The following DPP10 variants were observed in gnomAD, a reference collection of about 807,000 sequenced individuals.
DPP10 encodes the protein dipeptidyl peptidase like 10.
Under a neutral mutation model 120.9 loss-of-function variants are expected in DPP10, and 33 were observed. That is an observed-to-expected ratio of 0.27 (90% CI 0.21 to 0.37). The LOEUF is 0.37. DPP10 is among the 10% of genes least tolerant of loss of function. The pLI is 1.00. For missense variants in DPP10, 816 were observed against 942.8 expected, an observed-to-expected ratio of 0.87 and a Z score of 1.76; for synonymous variants, 337 against 326.1, an observed-to-expected ratio of 1.03 and a Z score of -0.36.
At chr2:114,775,087 G>C (rs1681605711) in intron 1 of DPP10, among the ~76,000 whole-genome samples, 1 of 152,062 alleles carries the variant, frequency 6.6e-6, no homozygotes, top group South Asian at 2.1e-4. Flanking sequence ...CCCCACCCTT[G>C]ACTCTGTATG....
intron 5 of DPP10, among the ~76,000 whole-genome samples, chr2:115,559,515 A>G (rs549827803): frequency 6.6e-6 from 1 of 152,248 alleles, no homozygotes; most frequent in Non-Finnish European, 1.5e-5. Flanking sequence ...TATGTTACAA[A>G]CTTGAATGAG....
At chr2:114,572,837 A>G (rs1689760092) in intron 1 of DPP10, among the ~76,000 whole-genome samples, 1 of 152,224 alleles carries the variant, frequency 6.6e-6, no homozygotes, top group Non-Finnish European at 1.5e-5. Flanking sequence ...TCATGCTGAG[A>G]TTCATATCAC....
chr2:114,445,875 G>A (rs1479228207), intron 1 of DPP10, among the ~76,000 whole-genome samples: 1 of 152,028 alleles, frequency 6.6e-6, no homozygotes, highest in Non-Finnish European at 1.5e-5. Flanking sequence ...GTCAAATAGG[G>A]GTGCCAAGTG....
chr2:115,657,974 G>A (rs2088547859), intron 5 of DPP10, among the ~76,000 whole-genome samples: 1 of 151,800 alleles, frequency 6.6e-6, no homozygotes, highest in Admixed American at 6.6e-5. Flanking sequence ...TATTTAAGAT[G>A]TTATATGTCA....
intron 1 of DPP10, among the ~76,000 whole-genome samples, chr2:114,609,980 C>A (rs1693149201): frequency 1.3e-5 from 2 of 152,106 alleles, no homozygotes; most frequent in African/African-American, 4.8e-5. Flanking sequence ...AATTTGGCAC[C>A]CTTAAATGTA....
chr2:115,476,359 A>T (rs911521417), intron 3 of DPP10, among the ~76,000 whole-genome samples: 1 of 152,080 alleles, frequency 6.6e-6, no homozygotes, highest in Non-Finnish European at 1.5e-5. Flanking sequence ...CCATAATTGT[A>T]AGCTTCCTGA....
intron 1 of DPP10, among the ~76,000 whole-genome samples, chr2:115,206,376 A>T (rs185952757): frequency 6.6e-6 from 1 of 152,290 alleles, no homozygotes; most frequent in East Asian, 1.9e-4. Flanking sequence ...TCTGAAAAAA[A>T]GTTTCATGAA....
At chr2:114,903,413 G>T (rs1444435293) in intron 1 of DPP10, among the ~76,000 whole-genome samples, 1 of 152,162 alleles carries the variant, frequency 6.6e-6, no homozygotes, top group Non-Finnish European at 1.5e-5. Context: ...ATGAATAAGA[G>T]AGCTCGTGTT....
chr2:114,722,921 G>A (rs978775884), intron 1 of DPP10, among the ~76,000 whole-genome samples: 2 of 151,974 alleles, frequency 1.3e-5, no homozygotes, highest in Non-Finnish European at 2.9e-5. Context: ...GATGAAAACT[G>A]GGTAAGAAAA....
intron 1 of DPP10, among the ~76,000 whole-genome samples, chr2:114,890,185 T>G (rs1009553026): frequency 1.3e-5 from 2 of 152,170 alleles, no homozygotes; most frequent in African/African-American, 2.4e-5. Flanking sequence ...AAATAAGTGA[T>G]CTCAGGTTGA....
chr2:115,247,852 T>C (rs1445182488), intron 1 of DPP10, among the ~76,000 whole-genome samples: 3 of 152,090 alleles, frequency 2.0e-5, no homozygotes, highest in Admixed American at 6.6e-5. Flanking sequence ...CAATATACTG[T>C]TTTGTTTTTC....
At chr2:114,893,813 C>T (rs1038731076) in intron 1 of DPP10, among the ~76,000 whole-genome samples, 11 of 152,154 alleles carry the variant, frequency 7.2e-5, no homozygotes, top group African/African-American at 1.9e-4. Context: ...TAGAGTTAAC[C>T]CTCCAGTTAA....
intron 1 of DPP10, among the ~76,000 whole-genome samples, chr2:114,714,271 T>C (rs1558663912): frequency 6.6e-6 from 1 of 152,138 alleles, no homozygotes; most frequent in Admixed American, 6.5e-5. Flanking sequence ...GCCAAAGTTT[T>C]TTATAGGAAA....
chr2:114,612,030 C>T (rs2105288327), intron 1 of DPP10, among the ~76,000 whole-genome samples: 1 of 152,326 alleles, frequency 6.6e-6, no homozygotes, highest in East Asian at 1.9e-4. Flanking sequence ...TTCTGTTTCT[C>T]TGAAGTTGCA....
At chr2:115,636,596 AAAAG>A (rs1383742974) in intron 5 of DPP10, among the ~76,000 whole-genome samples, 1 of 152,022 alleles carries the variant, frequency 6.6e-6, no homozygotes, top group Non-Finnish European at 1.5e-5. Flanking sequence ...GAGAGACAGA[AAAAG>A]AGAGAGAGTG....
At chr2:115,482,626 C>T (rs1329566066) in intron 3 of DPP10, among the ~76,000 whole-genome samples, 1 of 151,918 alleles carries the variant, frequency 6.6e-6, no homozygotes, top group African/African-American at 2.4e-5. Flanking sequence ...TGAATTATGC[C>T]ATATGCAGCT....
At chr2:114,510,308 A>G (rs914245438) in intron 1 of DPP10, among the ~76,000 whole-genome samples, 11 of 152,186 alleles carry the variant, frequency 7.2e-5, no homozygotes, top group African/African-American at 2.7e-4. Flanking sequence ...GGCTAGTTGT[A>G]TCAACTAAAT....
chr2:115,601,839 ATT>A (rs34334965), intron 5 of DPP10, among the ~76,000 whole-genome samples: 45,934 of 139,778 alleles, frequency 0.33, 7,549 homozygotes, highest in East Asian at 0.63. Flanking sequence ...ATGCCTGGCT[ATT>A]TTTTTTTTTT....
At chr2:114,859,578 A>G (rs970717943) in intron 1 of DPP10, among the ~76,000 whole-genome samples, 1 of 152,210 alleles carries the variant, frequency 6.6e-6, no homozygotes, top group Non-Finnish European at 1.5e-5. Context: ...GAATAGCAAT[A>G]ATATATTTGA....
Sources: gnomAD v4.1 joint callset for allele counts (sites outside exome capture counted in the v4.1 genomes callset) on GRCh38, gnomAD v4.1.1 for gene constraint, MANE v1.5 for transcripts, NCBI Gene and HGNC (gene_info 2026-07-23, HGNC 2026-07-21) for gene names.